Variants in GRHL2 observed in about 807,000 individuals in gnomAD.
GRHL2 encodes grainyhead-like protein 2 homolog.
Under a neutral mutation model 83.8 loss-of-function variants are expected in GRHL2, and 21 were observed. That is an observed-to-expected ratio of 0.25 (90% CI 0.18 to 0.36). The LOEUF (loss-of-function observed/expected upper bound fraction) is 0.36, where lower values mean the gene tolerates loss of function less well. GRHL2 is among the 10% of genes least tolerant of loss of function. GRHL2 has a pLI of 1.00. For synonymous variants in GRHL2, 280 were observed against 278.9 expected, an observed-to-expected ratio of 1.00 and a Z score of -0.04; for missense variants, 623 against 781.8, an observed-to-expected ratio of 0.80 and a Z score of 2.42.
intron 2 of GRHL2, among the ~76,000 whole-genome samples, chr8:101,550,442 C>T (rs183532207): frequency 7.9e-5 from 12 of 152,076 alleles, no homozygotes; most frequent in Non-Finnish European, 1.5e-4. Flanking sequence ...TCAGAACACG[C>T]GGTATTTGGT....
downstream of GRHL2, among the ~76,000 whole-genome samples, chr8:101,671,692 G>C (rs954937220): frequency 1.3e-5 from 2 of 152,202 alleles, no homozygotes; most frequent in African/African-American, 4.8e-5. Flanking sequence ...GAGAGCAGTG[G>C]TTCTCCCAGC....
At chr8:101,648,839 A>G (rs1475327601) in intron 13 of GRHL2, among the ~76,000 whole-genome samples, 1 of 151,900 alleles carries the variant, frequency 6.6e-6, no homozygotes, top group Non-Finnish European at 1.5e-5. Context: ...CCTTCAAGGG[A>G]CCCTTCCAGG....
chr8:101,596,525 C>G (rs1812394765), intron 7 of GRHL2, among the ~76,000 whole-genome samples: 1 of 152,188 alleles, frequency 6.6e-6, no homozygotes, highest in African/African-American at 2.4e-5. Flanking sequence ...TGGACATCAT[C>G]TGGCCAAGAC....
intron 8 of GRHL2, among the ~76,000 whole-genome samples, chr8:101,607,486 A>G (rs887394513): frequency 9.9e-5 from 15 of 152,172 alleles, no homozygotes; most frequent in African/African-American, 3.6e-4. Flanking sequence ...ACAGTCTAGG[A>G]TGATATGGGG....
At chr8:101,634,515 A>G (rs1813248791) in intron 11 of GRHL2, among the ~76,000 whole-genome samples, 1 of 152,232 alleles carries the variant, frequency 6.6e-6, no homozygotes, top group Admixed American at 6.5e-5. Flanking sequence ...GTGGCAGGTC[A>G]ATGGATATGG....
chr8:101,647,237 T>C (rs1035785155), intron 13 of GRHL2, among the ~76,000 whole-genome samples: 2 of 152,154 alleles, frequency 1.3e-5, no homozygotes, highest in Non-Finnish European at 1.5e-5. Context: ...TGATGGCACA[T>C]GCCTGTAATC....
chr8:101,561,770 T>A (rs512036), intron 4 of GRHL2, among the ~76,000 whole-genome samples: 149,589 of 152,332 alleles, frequency 0.98, 73,504 homozygotes, highest in Non-Finnish European at 1. Context: ...TTCTATAGTT[T>A]TAAGTAGAAT....
At chr8:101,617,566 G>A (rs1056982753) in intron 8 of GRHL2, among the ~76,000 whole-genome samples, 8 of 152,028 alleles carry the variant, frequency 5.3e-5, no homozygotes, top group Admixed American at 3.3e-4. Flanking sequence ...GTGTAGTGGC[G>A]CAGTCTCAGC....
intron 4 of GRHL2, among the ~76,000 whole-genome samples, chr8:101,563,356 ATT>A (rs112264289): frequency 6.8e-6 from 1 of 147,502 alleles, no homozygotes; most frequent in Non-Finnish European, 1.5e-5. Context: ...TCCATCTCAG[ATT>A]TTTTTTTTTT....
At position 101,664,483 on chromosome 8, in the gene GRHL2, G is replaced by A. The variant is rs142757632; in HGVS notation, c.1728G>A (p.Glu576=). 2.5e-6 allele frequency: 4 copies of A among 1,613,650 alleles called. No homozygotes were observed. The African/African-American group carries it at 5.3e-5, about 22-fold the overall frequency. The stretch of plus-strand genomic sequence containing the variant: ...CTGAGAAATATGGGCTGCCCGTGGA[G>A]AAGATAGCAAAGCTTTACAAGAAAA... ...AISEKYGLPV[E]KIAKLYKKSK... The change falls in exon 15 of 16, where the codon GAG becomes GAA. Residue 576 remains glutamate (E), a synonymous_variant. Coordinates refer to ENST00000646743, the MANE Select transcript of GRHL2 (RefSeq NM_024915.4).
At chr8:101,679,660 A>C in the GRHL2 span, among the ~76,000 whole-genome samples, 1 of 151,656 alleles carries the variant, frequency 6.6e-6, no homozygotes, top group Admixed American at 6.6e-5. Flanking sequence ...AAAAAATGTT[A>C]AGGACAGCCA....
At chr8:101,573,603 A>C in intron 5 of GRHL2, 65 bp from the exon 6 acceptor site, 1 of 1,585,576 alleles carries the variant, frequency 6.3e-7, no homozygotes, top group South Asian at 1.1e-5. Context: ...TATGATGTGA[A>C]ATTGGTCAAA....
chr8:101,600,168 A>G (rs557107065), intron 8 of GRHL2, among the ~76,000 whole-genome samples: 23 of 152,328 alleles, frequency 1.5e-4, no homozygotes, highest in African/African-American at 4.8e-4. Flanking sequence ...AGTATAAAAC[A>G]ATGTAGAACA....
intron 1 of GRHL2, among the ~76,000 whole-genome samples, chr8:101,535,538 T>A (rs1410840951): frequency 6.6e-6 from 1 of 152,028 alleles, no homozygotes; most frequent in East Asian, 1.9e-4. Flanking sequence ...TTTTTCTCTT[T>A]CTTCTTTTTT....
At chr8:101,678,448 G>A in the GRHL2 span, among the ~76,000 whole-genome samples, 49 of 152,056 alleles carry the variant, frequency 3.2e-4, no homozygotes, top group African/African-American at 1.0e-3. Context: ...ACGGAGTCTC[G>A]CTGATTGCTA....
In GRHL2 at chr8:101,632,240, T is replaced by C. The variant is rs774957913; in HGVS notation, c.1360T>C (p.Leu454=). The change falls in exon 11 of 16, where the codon TTG becomes CTG. Residue 454 remains leucine (L), a synonymous_variant. Transcript: ENST00000646743. Reference sequence around the variant, plus strand: ...ATCCCATCCAGCCTCTGATGGGAAGTTGGCTGCCATACCTTTACAGAAGAA... The same window carrying C: ...ATCCCATCCAGCCTCTGATGGGAAGCTGGCTGCCATACCTTTACAGAAGAA... ...TQCNSSSDGK[L]AAIPLQKKSD... is the part of the protein sequence containing the mutation. The C allele has an allele frequency of 5.6e-6, 9 of 1,614,062 alleles. No individual in the cohort carries two copies. The South Asian group carries it at 9.9e-5, about 18-fold the overall frequency.
intron 12 of GRHL2, among the ~76,000 whole-genome samples, chr8:101,643,306 G>C (rs935243797): frequency 3.0e-5 from 4 of 133,812 alleles, no homozygotes; most frequent in Non-Finnish European, 4.6e-5. Context: ...AAAACAGTAA[G>C]ATTCCATTCG....
intron 1 of GRHL2, among the ~76,000 whole-genome samples, chr8:101,536,628 A>C (rs1405041815): frequency 6.6e-6 from 1 of 152,248 alleles, no homozygotes; most frequent in Non-Finnish European, 1.5e-5. Flanking sequence ...GTCTGGCTTC[A>C]GAGTCTGAAT....
At chr8:101,594,095 AAAAG>A (rs1225001719) in intron 7 of GRHL2, among the ~76,000 whole-genome samples, 2 of 104,950 alleles carry the variant, frequency 1.9e-5, no homozygotes, top group African/African-American at 4.6e-5. Flanking sequence ...AAAAAAAAAA[AAAAG>A]AGAGAGATAG....
Sources: gnomAD v4.1 joint callset for allele counts (sites outside exome capture counted in the v4.1 genomes callset) on GRCh38, gnomAD v4.1.1 for gene constraint, MANE v1.5 for transcripts, NCBI Gene and HGNC (gene_info 2026-07-23, HGNC 2026-07-21) for gene names.